EPSTI1: variants seen among roughly 807,000 people sequenced by gnomAD.
EPSTI1 encodes the protein epithelial-stromal interaction protein 1.
In EPSTI1, 66 loss-of-function variants were observed where a neutral mutation model predicts 49.9. That is an observed-to-expected ratio of 1.32 (90% confidence interval 1.08 to 1.62). The LOEUF is 1.62. EPSTI1 is among the 40% of genes most tolerant of loss of function. EPSTI1 has a pLI of 0.00. For synonymous variants in EPSTI1, 137 were observed against 130.7 expected (o/e 1.05, Z -0.33); for missense variants, 394 against 365.5 (o/e 1.08, Z -0.64).
At chr13:42,911,151 A>G (rs2037660413) in intron 8 of EPSTI1, among the ~76,000 whole-genome samples, 1 of 152,204 alleles carries the variant, frequency 6.6e-6, no homozygotes, top group Admixed American at 6.5e-5. Flanking sequence ...ATTAAGAGAA[A>G]AATTTCATCA....
At position 42,969,077 on chromosome 13, in the gene EPSTI1, C is replaced by T. The variant is rs775906508; in HGVS notation, c.331+17G>A. Reference sequence around the variant, plus strand: ...GCCCCGCCCTCCCTCATTCCGGCAGCGGCTGTGCTTGCTTACCTAGCCGTC... The same window carrying T: ...GCCCCGCCCTCCCTCATTCCGGCAGTGGCTGTGCTTGCTTACCTAGCCGTC... On this transcript the variant is annotated intron_variant, in intron 3 of 10. Coordinates refer to ENST00000313624, the MANE Select transcript of EPSTI1 (RefSeq NM_033255.5). 37 of 1,613,632 alleles carry T rather than the reference C, an allele frequency of 2.3e-5. No homozygotes were observed. Among genetic ancestry groups the T allele is most frequent in the Admixed American group, 3.3e-5 (2 of 59,986 alleles).
At chr13:42,948,545 T>C (rs2038995945) in intron 6 of EPSTI1, among the ~76,000 whole-genome samples, 1 of 150,806 alleles carries the variant, frequency 6.6e-6, no homozygotes, top group Non-Finnish European at 1.5e-5. Context: ...GGCATGACCA[T>C]AGCTCACTGT....
chr13:42,895,031 T>G lies in EPSTI1; in HGVS notation c.893A>C (p.Asn298Thr), dbSNP rs1437544769. 6.2e-7 allele frequency: 1 copy of G among 1,612,914 alleles called. No homozygotes were observed. The highest frequency in any genetic ancestry group is 8.5e-7 in the Non-Finnish European group (1 of 1,179,474). ...GGLEQSGGCW[N>T]MNSGNSWGI ...CACCCAGCTGTTACCGCTATTCATA[T>G]TCCAACAGCCTCCAGATTGCTCGAG... Residue 298 changes from asparagine to threonine, a missense_variant, in exon 10 of 11, where the codon AAT becomes ACT. Transcript: ENST00000313624.
At chr13:42,928,967 T>A (rs2038274697) in intron 6 of EPSTI1, among the ~76,000 whole-genome samples, 1 of 152,246 alleles carries the variant, frequency 6.6e-6, no homozygotes, top group Non-Finnish European at 1.5e-5. Context: ...TGGTGGAGTC[T>A]CTATCAGTTT....
chr13:42,916,765 A>T (rs1422540364), intron 8 of EPSTI1, among the ~76,000 whole-genome samples: 1 of 152,222 alleles, frequency 6.6e-6, no homozygotes, highest in Non-Finnish European at 1.5e-5. Context: ...GATGGGAAAG[A>T]TAAATCATTT....
intron 1 of EPSTI1, among the ~76,000 whole-genome samples, chr13:42,990,552 AC>A (rs769787195): frequency 6.6e-6 from 1 of 152,354 alleles, no homozygotes; most frequent in South Asian, 2.1e-4. Context: ...ACTGTTAAGT[AC>A]TATAGCTTGT....
At chr13:42,912,460 G>T (rs774246020) in intron 8 of EPSTI1, among the ~76,000 whole-genome samples, 1 of 152,122 alleles carries the variant, frequency 6.6e-6, no homozygotes, top group African/African-American at 2.4e-5. Context: ...AAGAGAACAC[G>T]AGTCTACTCC....
chr13:42,897,439 C>T (rs1237109324), intron 9 of EPSTI1, among the ~76,000 whole-genome samples: 2 of 152,218 alleles, frequency 1.3e-5, no homozygotes, highest in East Asian at 3.8e-4. Context: ...CCCCTTCTGC[C>T]GTGTTTTGCC....
intron 10 of EPSTI1, among the ~76,000 whole-genome samples, chr13:42,892,217 C>T (rs140274033): frequency 1.9e-3 from 283 of 152,272 alleles, no homozygotes; most frequent in African/African-American, 6.5e-3. Context: ...GGAAGGACTT[C>T]GGCTTTTACT....
At chr13:42,981,867 C>A (rs970981713) in intron 1 of EPSTI1, among the ~76,000 whole-genome samples, 1 of 151,294 alleles carries the variant, frequency 6.6e-6, no homozygotes, top group African/African-American at 2.4e-5. Flanking sequence ...TTATATATAC[C>A]CTAATATATA....
intron 7 of EPSTI1, among the ~76,000 whole-genome samples, chr13:42,918,988 G>A (rs1221453553): frequency 6.6e-6 from 1 of 151,846 alleles, no homozygotes; most frequent in African/African-American, 2.4e-5. Context: ...AGGAAGGAAA[G>A]GAGAGAAGAA....
At chr13:42,940,156 G>A (rs929078844) in intron 6 of EPSTI1, among the ~76,000 whole-genome samples, 5 of 152,164 alleles carry the variant, frequency 3.3e-5, no homozygotes, top group Admixed American at 2.0e-4. Context: ...TGTCAACTTC[G>A]TCATCTCTTT....
chr13:42,910,341 A>G (rs948448620), intron 8 of EPSTI1, among the ~76,000 whole-genome samples: 1 of 144,390 alleles, frequency 6.9e-6, no homozygotes, highest in African/African-American at 2.6e-5. Flanking sequence ...GGCTTACTGC[A>G]ACCTCCGGCT....
At chr13:42,970,446 A>T in intron 2 of EPSTI1, 166 bp downstream of exon 2, 1 of 510,010 alleles carries the variant, frequency 2.0e-6, no homozygotes, top group Non-Finnish European at 3.4e-6. Flanking sequence ...AGAAGTGTTA[A>T]TAGTAGAATA....
intron 10 of EPSTI1, among the ~76,000 whole-genome samples, chr13:42,892,643 G>A (rs2037071003): frequency 6.6e-6 from 1 of 152,126 alleles, no homozygotes; most frequent in African/African-American, 2.4e-5. Context: ...TAGGCAACTG[G>A]GTACACAAGT....
In EPSTI1 at chr13:42,922,679, T is replaced by C. The variant is rs968538906; in HGVS notation, c.657+3657A>G. ...AAGTGTTCAAATGTTGCGGTGGAAG[T>C]GGGATTCAAGCGGCGCAAAGGGACA... is the stretch of plus-strand genomic sequence containing the variant. On this transcript the variant is annotated intron_variant, in intron 7 of 10. Transcript: ENST00000313624. This position sits in a 1 kb window ranked among gnomAD's most constrained non-coding sequence, Gnocchi z 4.8. Among the ~76,000 whole-genome samples the C allele has an allele frequency of 2.0e-5, 3 of 152,110 alleles. No individual in the cohort carries two copies. The highest frequency in any genetic ancestry group is 4.4e-5 in the Non-Finnish European group (3 of 68,006).
At chr13:42,898,639 T>C (rs898842249) in intron 9 of EPSTI1, among the ~76,000 whole-genome samples, 1 of 13,714 alleles carries the variant, frequency 7.3e-5, no homozygotes, top group Non-Finnish European at 7.7e-4. Context: ...TTCAGTAGTA[T>C]GGAAATAAAG....
rs1435050663 is a variant in EPSTI1, at chr13:42,922,154, G to A, written c.657+4182C>T. On this transcript the variant is annotated intron_variant, in intron 7 of 10. Transcript: ENST00000313624. This position sits in a 1 kb window ranked among gnomAD's most constrained non-coding sequence, Gnocchi z 4.8. ...TGAGAGGAAGAAATGAGTTAATAAG[G>A]TCTAAAATTGATTAGTCAAGAGATA... Among the ~76,000 whole-genome samples, 2 of 152,176 alleles carry A rather than the reference G, an allele frequency of 1.3e-5. No homozygotes were observed. The highest frequency in any genetic ancestry group is 1.9e-4 in the East Asian group (1 of 5,194).
chr13:42,888,486 A>G lies in EPSTI1; in HGVS notation c.*8T>C, dbSNP rs1350249824. 1 of 1,613,494 alleles carries G rather than the reference A, an allele frequency of 6.2e-7. No homozygotes were observed. Among genetic ancestry groups the G allele is most frequent in the Non-Finnish European group, 8.5e-7 (1 of 1,179,640 alleles). On this transcript the variant is annotated 3_prime_UTR_variant, in exon 11 of 11. Coordinates refer to ENST00000313624, the MANE Select transcript of EPSTI1 (RefSeq NM_033255.5). ...GTTGATGAAGGCCAGATAGGAGTCA[A>G]TATTTTCTCATATACCCTGGAAGAA...
Sources: allele counts gnomAD v4.1 joint callset (sites outside exome capture counted in the v4.1 genomes callset), GRCh38; gene constraint gnomAD v4.1.1; non-coding constraint Gnocchi (gnomAD v3.1); transcripts MANE v1.5; gene names NCBI Gene and HGNC (gene_info 2026-07-23, HGNC 2026-07-21).